The following TRAPPC9 variants were observed in gnomAD, a reference collection of about 807,000 sequenced individuals.
The protein encoded by TRAPPC9 is trafficking protein particle complex subunit 9, also known as IKK2 binding protein.
TRAPPC9 carries 83 observed loss-of-function variants against 124.0 expected under a neutral mutation model. The ratio of observed to expected loss-of-function variants is 0.67; its 90% CI spans 0.56 to 0.80. The LOEUF is 0.80. TRAPPC9 is among the 30% of genes least tolerant of loss of function. TRAPPC9 has a pLI of 0.00. For missense variants in TRAPPC9, 1,302 were observed against 1,508.3 expected (o/e 0.86, Z 2.27); for synonymous variants, 638 against 617.5 (o/e 1.03, Z -0.49).
intron 5 of TRAPPC9, among the ~76,000 whole-genome samples, chr8:140,416,202 T>G (rs542049945): frequency 1.3e-5 from 2 of 152,126 alleles, no homozygotes; most frequent in Non-Finnish European, 2.9e-5. Context: ...GCTTAAAGAA[T>G]AGACATTACT....
intron 17 of TRAPPC9, among the ~76,000 whole-genome samples, chr8:140,171,653 G>T (rs1005205723): frequency 6.6e-6 from 1 of 152,032 alleles, no homozygotes; most frequent in Non-Finnish European, 1.5e-5. Context: ...TTCCACTCTC[G>T]AGCCCCCAGC....
chr8:139,842,774 C>A (rs1382195792), intron 21 of TRAPPC9, among the ~76,000 whole-genome samples: 1 of 152,186 alleles, frequency 6.6e-6, no homozygotes, highest in East Asian at 1.9e-4. Flanking sequence ...CATTGTGCTT[C>A]TGGGAGGGCA....
intron 17 of TRAPPC9, among the ~76,000 whole-genome samples, chr8:140,155,489 GC>G (rs2061613180): frequency 6.6e-6 from 1 of 152,228 alleles, no homozygotes; most frequent in Non-Finnish European, 1.5e-5. Context: ...TTACATGAAA[GC>G]CGGGAACAAG....
chr8:140,455,741 A>G (rs1376216666), intron 1 of TRAPPC9, among the ~76,000 whole-genome samples: 6 of 152,088 alleles, frequency 3.9e-5, no homozygotes, highest in Non-Finnish European at 8.8e-5. Flanking sequence ...GCACAGCATT[A>G]TTCTTAATAG....
intron 8 of TRAPPC9, among the ~76,000 whole-genome samples, chr8:140,369,635 G>A (rs2068221233): frequency 6.6e-6 from 1 of 152,134 alleles, no homozygotes; most frequent in Admixed American, 6.5e-5. Flanking sequence ...CCAGTGAAAT[G>A]GATGGACATG....
At chr8:139,791,605 C>CTCCCCT (rs1822683213) in intron 21 of TRAPPC9, among the ~76,000 whole-genome samples, 1 of 152,114 alleles carries the variant, frequency 6.6e-6, no homozygotes, top group Non-Finnish European at 1.5e-5. Context: ...CTCACACAGG[C>CTCCCCT]GCCCGTCTCC....
At chr8:139,894,318 T>C (rs1049199882) in intron 20 of TRAPPC9, among the ~76,000 whole-genome samples, 1 of 152,160 alleles carries the variant, frequency 6.6e-6, no homozygotes, top group South Asian at 2.1e-4. Context: ...AGAGAGCCAA[T>C]GCCAACCCCC....
At chr8:140,304,601 A>G (rs2066072444) in intron 10 of TRAPPC9, among the ~76,000 whole-genome samples, 2 of 152,172 alleles carry the variant, frequency 1.3e-5, no homozygotes, top group African/African-American at 4.8e-5. Context: ...TGTGATGTGG[A>G]CATTTAACTA....
In TRAPPC9 at chr8:140,311,333, T is replaced by A; in HGVS notation, c.1537A>T (p.Lys513Ter). Residue 513 changes from lysine (K) to a stop codon, truncating the protein, a stop_gained, in exon 10 of 23, where the codon AAG becomes TAG. Coordinates refer to ENST00000438773, the MANE Select transcript of TRAPPC9 (RefSeq NM_001160372.4). LOFTEE classifies it high-confidence loss of function. ...ATGGGCTCCATGGTCCCAGGACACTTGGACGTATAGTTCTCTAGGCTTTGG... is the reference window on the plus strand; with the variant it reads ...ATGGGCTCCATGGTCCCAGGACACTAGGACGTATAGTTCTCTAGGCTTTGG... ...VAQSLENYTS[K>*]CPGTMEPIAL... 3 of 1,614,052 alleles carry A rather than the reference T, an allele frequency of 1.9e-6. No homozygotes were observed. Among genetic ancestry groups the A allele is most frequent in the Non-Finnish European group, 2.5e-6 (3 of 1,180,022 alleles).
chr8:140,028,887 C>T (rs1840322204), intron 17 of TRAPPC9, among the ~76,000 whole-genome samples: 1 of 152,050 alleles, frequency 6.6e-6, no homozygotes, highest in Non-Finnish European at 1.5e-5. Flanking sequence ...CAGGATTAGA[C>T]AATTATCAAT....
At chr8:140,197,921 G>A (rs2062706590) in intron 17 of TRAPPC9, among the ~76,000 whole-genome samples, 1 of 152,196 alleles carries the variant, frequency 6.6e-6, no homozygotes, top group Non-Finnish European at 1.5e-5. Context: ...AGAAACGAGA[G>A]AAGGCTAGTT....
intron 17 of TRAPPC9, among the ~76,000 whole-genome samples, chr8:140,127,519 T>C (rs1214173792): frequency 6.6e-6 from 1 of 152,218 alleles, no homozygotes; most frequent in Admixed American, 6.5e-5. Context: ...GTAAGGTTGG[T>C]ACCTGGCATG....
intron 17 of TRAPPC9, among the ~76,000 whole-genome samples, chr8:140,029,792 T>A (rs1840391038): frequency 6.6e-6 from 1 of 151,894 alleles, no homozygotes; most frequent in African/African-American, 2.4e-5. Flanking sequence ...CCAATCTTTT[T>A]ATGAGACCAA....
intron 17 of TRAPPC9, among the ~76,000 whole-genome samples, chr8:140,120,677 A>ACATC (rs559075849): frequency 2.4e-4 from 34 of 140,874 alleles, no homozygotes; most frequent in Admixed American, 1.9e-3. Flanking sequence ...CATCCATCCA[A>ACATC]CATCCATCCA....
At chr8:140,101,794 C>T (rs1405830963) in intron 17 of TRAPPC9, among the ~76,000 whole-genome samples, 1 of 151,736 alleles carries the variant, frequency 6.6e-6, no homozygotes, top group Non-Finnish European at 1.5e-5. Flanking sequence ...CCACCCACCT[C>T]GGCCTCCCAA....
intron 19 of TRAPPC9, among the ~76,000 whole-genome samples, chr8:139,977,723 C>T (rs749906425): frequency 4.0e-5 from 6 of 150,546 alleles, no homozygotes; most frequent in Non-Finnish European, 8.8e-5. Flanking sequence ...CTCTGTTGCC[C>T]AGGCTGGAGT....
At chr8:139,924,745 A>G (rs1832705405) in intron 19 of TRAPPC9, among the ~76,000 whole-genome samples, 1 of 152,170 alleles carries the variant, frequency 6.6e-6, no homozygotes, top group Non-Finnish European at 1.5e-5. Flanking sequence ...GCCACGCTTG[A>G]TGGCACTGGT....
At chr8:140,132,305 G>T (rs1334895507) in intron 17 of TRAPPC9, among the ~76,000 whole-genome samples, 1 of 152,188 alleles carries the variant, frequency 6.6e-6, no homozygotes, top group Non-Finnish European at 1.5e-5. Context: ...AGAGGAAAAG[G>T]CCATTAAAAA....
chr8:140,355,039 TAA>T (rs1362445364), intron 9 of TRAPPC9, among the ~76,000 whole-genome samples: 2 of 152,236 alleles, frequency 1.3e-5, no homozygotes, highest in African/African-American at 2.4e-5. Flanking sequence ...CCTTTTAAAC[TAA>T]GTGTCTTTAA....
Sources: allele counts gnomAD v4.1 joint callset (sites outside exome capture counted in the v4.1 genomes callset), GRCh38; gene constraint gnomAD v4.1.1; transcripts MANE v1.5; gene names NCBI Gene and HGNC (gene_info 2026-07-23, HGNC 2026-07-21).